The following CADM2 variants were observed in gnomAD, a reference collection of about 807,000 sequenced individuals.
The protein encoded by CADM2 is cell adhesion molecule 2, also known as immunoglobulin superfamily member 4D.
CADM2 carries 12 observed loss-of-function variants against 49.8 expected under a neutral mutation model. The observed-to-expected ratio is 0.24, with a 90% CI of 0.15 to 0.39. CADM2 has a LOEUF of 0.39. Among genes scored for constraint, CADM2 ranks in the 10% least tolerant of loss-of-function variants. CADM2 has a pLI of 1.00. For missense variants in CADM2, 378 were observed against 492.3 expected, an observed-to-expected ratio of 0.77 and a Z score of 2.20; for synonymous variants, 214 against 175.4, an observed-to-expected ratio of 1.22 and a Z score of -1.74.
At chr3:85,876,104 T>C (rs977260164) in intron 3 of CADM2, among the ~76,000 whole-genome samples, 1 of 152,148 alleles carries the variant, frequency 6.6e-6, no homozygotes, top group Non-Finnish European at 1.5e-5. Flanking sequence ...AACTTACTGG[T>C]TGGAGATTAA....
At chr3:85,277,948 T>C (rs904494319) in intron 1 of CADM2, among the ~76,000 whole-genome samples, 2 of 151,410 alleles carry the variant, frequency 1.3e-5, no homozygotes, top group Non-Finnish European at 3.0e-5. Context: ...GATAGCCATA[T>C]ATGACTGCTT....
intron 1 of CADM2, among the ~76,000 whole-genome samples, chr3:85,362,212 C>A (rs2032410591): frequency 6.6e-6 from 1 of 152,140 alleles, no homozygotes; most frequent in Admixed American, 6.5e-5. Context: ...TTCTCCAGTA[C>A]AGGGATAGCT....
chr3:85,487,958 A>G (rs1016178128), intron 1 of CADM2, among the ~76,000 whole-genome samples: 3 of 152,140 alleles, frequency 2.0e-5, no homozygotes, highest in African/African-American at 7.2e-5. Flanking sequence ...CCATTTTACA[A>G]TAGATATAAC....
intron 1 of CADM2, among the ~76,000 whole-genome samples, chr3:85,189,426 T>A (rs913390085): frequency 2.0e-5 from 3 of 152,164 alleles, no homozygotes; most frequent in Non-Finnish European, 4.4e-5. Flanking sequence ...GAGGCAATTA[T>A]GTAGGTAACT....
intron 1 of CADM2, among the ~76,000 whole-genome samples, chr3:85,408,140 T>C (rs182803788): frequency 1.3e-3 from 197 of 151,670 alleles, no homozygotes; most frequent in Non-Finnish European, 2.3e-3. Context: ...CAAGAAAAGA[T>C]TGTGCTTTGG....
At chr3:85,095,470 G>A (rs539901813) in intron 1 of CADM2, among the ~76,000 whole-genome samples, 1 of 152,136 alleles carries the variant, frequency 6.6e-6, no homozygotes, top group African/African-American at 2.4e-5. Flanking sequence ...CTAGACCTCT[G>A]GCTCAATTGT....
chr3:85,159,582 G>C (rs569277948), intron 1 of CADM2, among the ~76,000 whole-genome samples: 4 of 152,192 alleles, frequency 2.6e-5, no homozygotes, highest in Admixed American at 6.6e-5. Context: ...GTTATCTGTA[G>C]AGCAGTTAAG....
intron 1 of CADM2, among the ~76,000 whole-genome samples, chr3:85,272,446 TG>T (rs149443873): frequency 6.6e-6 from 1 of 151,428 alleles, no homozygotes; most frequent in Non-Finnish European, 1.5e-5. Context: ...ATCAGGTTAT[TG>T]TTAAGAGAAA....
chr3:85,330,656 A>G (rs1467698727), intron 1 of CADM2, among the ~76,000 whole-genome samples: 1 of 152,050 alleles, frequency 6.6e-6, no homozygotes, highest in Non-Finnish European at 1.5e-5. Context: ...GTTTAAAAAC[A>G]CTTCAAAAAA....
chr3:85,615,360 T>G (rs1382578715), intron 1 of CADM2, among the ~76,000 whole-genome samples: 1 of 152,184 alleles, frequency 6.6e-6, no homozygotes, highest in East Asian at 1.9e-4. Flanking sequence ...TTTGTCAACC[T>G]TTGTAATCTG....
Position 85,434,074 on chromosome 3 carries a change from A to G in CADM2, c.62-292448A>G, listed in dbSNP as rs183481152. ...ATTAAGTTTAGATTTTGCCAAAATT[A>G]TTCTCTGCTAATTTTAGCAGAATCA... On this transcript the variant is annotated intron_variant, in intron 1 of 9. Transcript: ENST00000383699. Among the ~76,000 whole-genome samples, 239 of 152,220 alleles carry G rather than the reference A, an allele frequency of 1.6e-3. 1 individual carries two copies. Among genetic ancestry groups the G allele is most frequent in the African/African-American group, 5.4e-3 (226 of 41,570 alleles).
chr3:85,811,274 C>G (rs1413044258), intron 3 of CADM2, among the ~76,000 whole-genome samples: 1 of 152,052 alleles, frequency 6.6e-6, no homozygotes, highest in Non-Finnish European at 1.5e-5. Flanking sequence ...TAAAAATGAC[C>G]AAATTCTTGA....
intron 1 of CADM2, among the ~76,000 whole-genome samples, chr3:84,968,198 G>T (rs1267631098): frequency 1.3e-5 from 2 of 151,206 alleles, no homozygotes; most frequent in East Asian, 3.9e-4. Context: ...GTTCCATTCT[G>T]TGTCCAACTT....
At chr3:85,968,045 G>A (rs2108633130) in intron 8 of CADM2, among the ~76,000 whole-genome samples, 1 of 151,686 alleles carries the variant, frequency 6.6e-6, no homozygotes, top group Middle Eastern at 3.4e-3. Context: ...GGGAAAAAAG[G>A]ATGGAAAAGG....
chr3:85,983,710 C>G (rs1484680890), intron 8 of CADM2, among the ~76,000 whole-genome samples: 3 of 151,446 alleles, frequency 2.0e-5, no homozygotes, highest in Admixed American at 1.3e-4. Context: ...CATTTCAATT[C>G]TATTTTTTTG....
chr3:85,301,778 A>G (rs1576314017), intron 1 of CADM2, among the ~76,000 whole-genome samples: 1 of 152,188 alleles, frequency 6.6e-6, no homozygotes, highest in Admixed American at 6.6e-5. Flanking sequence ...AAAATGTCTT[A>G]TGATATATTT....
At chr3:85,993,028 C>T (rs1728976028) in intron 8 of CADM2, 1 of 151,992 alleles carries the variant, frequency 6.6e-6, no homozygotes, top group African/African-American at 2.4e-5. Flanking sequence ...ATTCTAAATC[C>T]TTTGTGATTA....
chr3:85,513,590 T>C (rs1328138832), intron 1 of CADM2, among the ~76,000 whole-genome samples: 2 of 152,126 alleles, frequency 1.3e-5, no homozygotes, highest in South Asian at 2.1e-4. Context: ...AAATATTCTT[T>C]ATCATATTAT....
At chr3:85,300,379 T>C (rs1377289546) in intron 1 of CADM2, among the ~76,000 whole-genome samples, 2 of 152,118 alleles carry the variant, frequency 1.3e-5, no homozygotes, top group African/African-American at 4.8e-5. Context: ...ACAATATCCT[T>C]TTTTAAAAAT....
Sources: gnomAD v4.1 joint callset for allele counts (sites outside exome capture counted in the v4.1 genomes callset) on GRCh38, gnomAD v4.1.1 for gene constraint, MANE v1.5 for transcripts, NCBI Gene and HGNC (gene_info 2026-07-23, HGNC 2026-07-21) for gene names.